Variants in GALNT2 observed in about 807,000 individuals in gnomAD.
GALNT2 encodes the protein polypeptide N-acetylgalactosaminyltransferase 2.
GALNT2 carries 31 observed loss-of-function variants against 81.4 expected under a neutral mutation model. The observed-to-expected ratio is 0.38, with a 90% CI of 0.29 to 0.51. The LOEUF is 0.51. Ranked by LOEUF, GALNT2 falls within the 20% of genes least tolerant of loss-of-function variation. The pLI is 0.87. For synonymous variants in GALNT2, 303 were observed against 287.4 expected (o/e 1.05, Z -0.55); for missense variants, 629 against 765.7 (o/e 0.82, Z 2.11).
At chr1:230,247,607 A>G (rs1485847171) in intron 8 of GALNT2, among the ~76,000 whole-genome samples, 2 of 151,724 alleles carry the variant, frequency 1.3e-5, no homozygotes, top group Admixed American at 1.3e-4. Flanking sequence ...AGAATGTTGT[A>G]TTTCCCCAAG....
chr1:230,130,857 G>A (rs919040262), intron 1 of GALNT2, among the ~76,000 whole-genome samples: 4 of 152,152 alleles, frequency 2.6e-5, no homozygotes, highest in Admixed American at 1.3e-4. Flanking sequence ...CTGAGTGGGC[G>A]GGTGGGGGCT....
chr1:230,231,423 C>T (rs1227493874), intron 3 of GALNT2, among the ~76,000 whole-genome samples: 1 of 152,158 alleles, frequency 6.6e-6, no homozygotes, highest in Non-Finnish European at 1.5e-5. Flanking sequence ...ATGGCCTGCC[C>T]AGGGTAGAGA....
At chr1:230,170,236 C>T (rs983971922) in intron 1 of GALNT2, among the ~76,000 whole-genome samples, 1 of 152,200 alleles carries the variant, frequency 6.6e-6, no homozygotes, top group African/African-American at 2.4e-5. Context: ...TACCTGTTCT[C>T]CCTAGGTGAT....
At position 230,058,461 on chromosome 1, in the gene GALNT2, C is replaced by T. The variant is rs988853237; in HGVS notation, n.89+383C>T. ...TGCTGTCCTGCCTAATGGGAAGATT[C>T]CTTTCCCCCACCGGCAAGTGTGCCA... On this transcript the variant is annotated intron_variant and non_coding_transcript_variant, in intron 1 of 6. Transcript: ENST00000494106. 3.9e-5 allele frequency among the ~76,000 whole-genome samples: 6 copies of T among 152,266 alleles called. No homozygotes were observed. The South Asian group carries it at 8.3e-4, about 21-fold the overall frequency.
intron 1 of GALNT2, among the ~76,000 whole-genome samples, chr1:230,171,085 G>A (rs139013473): frequency 2.1e-3 from 318 of 152,288 alleles, no homozygotes; most frequent in African/African-American, 7.2e-3. Flanking sequence ...GCCTTCTTGT[G>A]AGAAGACCTG....
At chr1:230,067,013 G>T (rs1220043898), upstream of GALNT2, among the ~76,000 whole-genome samples, 2 of 147,972 alleles carry the variant, frequency 1.4e-5, no homozygotes, top group Non-Finnish European at 3.0e-5. Context: ...CGCAGCCGCC[G>T]CCGATTGGTC....
At chr1:230,232,927 A>G (rs1189234265) in intron 3 of GALNT2, among the ~76,000 whole-genome samples, 2 of 152,178 alleles carry the variant, frequency 1.3e-5, no homozygotes, top group Non-Finnish European at 2.9e-5. Flanking sequence ...AAACTAGTAT[A>G]TTATGCAATT....
chr1:230,078,171 G>A (rs1659620165), intron 1 of GALNT2, among the ~76,000 whole-genome samples: 1 of 152,164 alleles, frequency 6.6e-6, no homozygotes, highest in African/African-American at 2.4e-5. Context: ...ATATCTGCGG[G>A]TTGCACATCT....
intron 1 of GALNT2, among the ~76,000 whole-genome samples, chr1:230,090,967 C>T (rs1299057315): frequency 1.3e-5 from 2 of 152,176 alleles, no homozygotes; most frequent in African/African-American, 4.8e-5. Context: ...TTGTAAGATA[C>T]TGCTAAGAAT....
chr1:230,154,676 A>T (rs1346671413), intron 1 of GALNT2, among the ~76,000 whole-genome samples: 2 of 152,186 alleles, frequency 1.3e-5, no homozygotes, highest in Non-Finnish European at 2.9e-5. Flanking sequence ...AGACAGTGAC[A>T]AGAGAATAGA....
At chr1:230,256,582 A>G (rs1346819607) in intron 11 of GALNT2, among the ~76,000 whole-genome samples, 2 of 152,230 alleles carry the variant, frequency 1.3e-5, no homozygotes, top group African/African-American at 2.4e-5. Context: ...ATACCACAAG[A>G]CATCGTGACA....
At chr1:230,165,809 G>C (rs1304964537) in intron 1 of GALNT2, among the ~76,000 whole-genome samples, 1 of 152,264 alleles carries the variant, frequency 6.6e-6, no homozygotes, top group African/African-American at 2.4e-5. Flanking sequence ...GGAGTAGCCA[G>C]AGCCCCTGGA....
chr1:230,109,688 C>T (rs959063205), intron 1 of GALNT2, among the ~76,000 whole-genome samples: 1 of 152,130 alleles, frequency 6.6e-6, no homozygotes, highest in African/African-American at 2.4e-5. Context: ...ATTAGCTGGG[C>T]GTGGTGGCAG....
chr1:230,265,316 T>G lies in GALNT2; in HGVS notation c.1389T>G (p.Phe463Leu). 1 of 1,614,216 alleles carries G rather than the reference T, an allele frequency of 6.2e-7. No individual in the cohort carries two copies. Among genetic ancestry groups the G allele is most frequent in the Non-Finnish European group, 8.5e-7 (1 of 1,180,044 alleles). ...ACTGCCTCGACACTTTGGGACACTT[T>G]GCTGATGGTGTGGTTGGAGTTTATG... Reference protein sequence around the residue: ...GTNCLDTLGHFADGVVGVYEC... With the variant: ...GTNCLDTLGHLADGVVGVYEC... Residue 463 changes from phenylalanine to leucine, a missense_variant, in exon 14 of 16, where the codon TTT (phenylalanine) becomes TTG (leucine). By Grantham distance (22) the Phe-to-Leu change is conservative. This residue lies in a region of GALNT2 where 207 missense variants were observed against 225.5 expected (regional missense o/e 0.92). Coordinates refer to ENST00000366672, the MANE Select transcript of GALNT2 (RefSeq NM_004481.5).
intron 3 of GALNT2, among the ~76,000 whole-genome samples, chr1:230,228,029 C>T (rs1290969056): frequency 6.6e-6 from 1 of 151,984 alleles, no homozygotes; most frequent in Non-Finnish European, 1.5e-5. Context: ...ATACAGAGTC[C>T]ACATACAAAA....
At chr1:230,109,875 G>A (rs1041874492) in intron 1 of GALNT2, among the ~76,000 whole-genome samples, 13 of 152,238 alleles carry the variant, frequency 8.5e-5, no homozygotes, top group Admixed American at 7.8e-4. Flanking sequence ...GGCAGTCAGT[G>A]AGCCTCAAGT....
chr1:230,147,720 T>C (rs1661963599), intron 1 of GALNT2, among the ~76,000 whole-genome samples: 2 of 152,184 alleles, frequency 1.3e-5, no homozygotes, highest in Non-Finnish European at 2.9e-5. Context: ...GCCTTCCTCC[T>C]CCAAGAGTCC....
intron 1 of GALNT2, among the ~76,000 whole-genome samples, chr1:230,117,831 C>T (rs1376704534): frequency 6.6e-6 from 1 of 152,128 alleles, no homozygotes; most frequent in Non-Finnish European, 1.5e-5. Context: ...TAGACTTGCT[C>T]GATGTAGGGT....
intron 1 of GALNT2, among the ~76,000 whole-genome samples, chr1:230,075,121 C>CTTTTTTTTTTT (rs34482749): frequency 7.6e-5 from 7 of 92,554 alleles, no homozygotes; most frequent in Non-Finnish European, 1.4e-4. Context: ...GTCTGTTTTG[C>CTTTTTTTTTTT]TTTTTTTTTT....
Sources: allele counts gnomAD v4.1 joint callset (sites outside exome capture counted in the v4.1 genomes callset), GRCh38; gene constraint gnomAD v4.1.1; regional missense constraint gnomAD v4.1.1; transcripts MANE v1.5; gene names NCBI Gene and HGNC (gene_info 2026-07-23, HGNC 2026-07-21).